RLIM: variants seen among roughly 807,000 people sequenced by gnomAD.
The protein encoded by RLIM is E3 ubiquitin-protein ligase RLIM.
Under a neutral mutation model 34.0 loss-of-function variants are expected in RLIM, and 2 were observed. That is an observed-to-expected ratio of 0.06 (90% CI 0.02 to 0.19). RLIM has a LOEUF of 0.19. Ranked by LOEUF, RLIM falls within the 10% of genes least tolerant of loss-of-function variation. The pLI, the probability that RLIM is intolerant of heterozygous loss-of-function variation, is 1.00. For missense variants in RLIM, 286 were observed against 479.7 expected, an observed-to-expected ratio of 0.60 and a Z score of 3.77; for synonymous variants, 169 against 164.0, an observed-to-expected ratio of 1.03 and a Z score of -0.23.
chrX:74,595,971 T>C lies in RLIM; in HGVS notation c.7A>G (p.Asn3Asp), dbSNP rs750593017. The change falls in exon 2 of 4, where the codon AAC becomes GAC. Residue 3 changes from asparagine (N) to aspartate (D), a missense_variant. By Grantham distance (23) the Asn-to-Asp change is conservative. Transcript: ENST00000332687. The part of the protein sequence containing the change: ME[N>D]SDSNDKGSGD... ...CTTCCTTTGTCATTGGAATCTGAGTTTTCCATATTGATGAACAAGTGGAAA... is the reference window on the plus strand; with the variant it reads ...CTTCCTTTGTCATTGGAATCTGAGTCTTCCATATTGATGAACAAGTGGAAA... The C allele has an allele frequency of 2.5e-6, 3 of 1,178,677 alleles. No individual in the cohort carries two copies. The highest frequency in any genetic ancestry group is 3.4e-6 in the Non-Finnish European group (3 of 879,897).
intron 1 of RLIM, among the ~76,000 whole-genome samples, chrX:74,600,308 C>CA (rs984757659): frequency 1.0e-4 from 11 of 106,991 alleles, no homozygotes; most frequent in East Asian, 5.8e-4. Flanking sequence ...CAAAACAAAA[C>CA]AAAAAAAAAC....
intron 1 of RLIM, 78 bp from the exon 2 acceptor site, chrX:74,596,078 C>A: frequency 3.3e-6 from 2 of 605,377 alleles, no homozygotes; most frequent in South Asian, 5.1e-5. Flanking sequence ...TGTGAAAATC[C>A]AGAATGTAGG....
intron 1 of RLIM, among the ~76,000 whole-genome samples, chrX:74,598,961 G>A (rs1049571301): frequency 9.0e-6 from 1 of 111,294 alleles, no homozygotes; most frequent in African/African-American, 3.3e-5. Context: ...TACTAGCTAT[G>A]AATCCCAATT....
In RLIM at chrX:74,583,411, G is replaced by C; in HGVS notation, c.*8029C>G. 1 of 728,621 alleles carries C rather than the reference G, an allele frequency of 1.4e-6. No homozygotes were observed. The highest frequency in any genetic ancestry group is 2.2e-6 in the Non-Finnish European group (1 of 452,871). The allele number at this position is 728,621 out of a possible 1,213,427, so 60.0% of individuals were successfully genotyped here. A position where few individuals can be genotyped will look rare whatever the true frequency, so the allele number is the denominator to read the frequency against. ...ATAGCAGGCTGTTGCACTGTAACTTGTGGCTGTGCATTAAGATGTTGCTGA... is the reference window on the plus strand; with the variant it reads ...ATAGCAGGCTGTTGCACTGTAACTTCTGGCTGTGCATTAAGATGTTGCTGA... On this transcript the variant is annotated 3_prime_UTR_variant, in exon 4 of 4. Coordinates refer to ENST00000332687, the MANE Select transcript of RLIM (RefSeq NM_016120.4).
At chrX:74,611,703 T>C (rs769600421) in intron 1 of RLIM, among the ~76,000 whole-genome samples, 52 of 112,324 alleles carry the variant, frequency 4.6e-4, no homozygotes, top group Non-Finnish European at 5.8e-4. Context: ...TTCATTGCAT[T>C]TCCTATCTAA....
At chrX:74,613,107 TAGAA>T (rs1380921034) in intron 1 of RLIM, among the ~76,000 whole-genome samples, 55 of 110,059 alleles carry the variant, frequency 5.0e-4, no homozygotes, top group Non-Finnish European at 8.9e-4. Context: ...TTCTACAGTT[TAGAA>T]AAGTCATGGG....
chrX:74,607,154 T>C (rs913147721), intron 1 of RLIM, among the ~76,000 whole-genome samples: 1 of 83,221 alleles, frequency 1.2e-5, no homozygotes, highest in Non-Finnish European at 2.2e-5. Context: ...TAAAAAGTCA[T>C]ATGGAAGAAA....
Position 74,594,380 on chromosome X carries a change from G to C in RLIM, c.179C>G (p.Thr60Ser). The C allele has an allele frequency of 3.3e-6, 4 of 1,199,287 alleles. No individual in the cohort carries two copies. Among genetic ancestry groups the C allele is most frequent in the Non-Finnish European group, 1.1e-6 (1 of 888,465 alleles). Residue 60 changes from threonine to serine, a missense_variant, in exon 3 of 4, where the codon ACT (threonine) becomes AGT (serine). Physicochemically the swap from Thr to Ser is moderately conservative, Grantham distance 58. Around this residue, in one of 6 missense-constraint regions of RLIM, gnomAD observed 62 missense variants for 71.3 expected, o/e 0.87. Transcript: ENST00000332687. Reference protein sequence around the residue: ...NNLLGTPGESTEEELLRRLQQ... With the variant: ...NNLLGTPGESSEEELLRRLQQ... ...TAGTCGTCTCAGCAACTCTTCCTCAGTACTTTCACCTGAAATTTAACACCA... is the reference window on the plus strand; with the variant it reads ...TAGTCGTCTCAGCAACTCTTCCTCACTACTTTCACCTGAAATTTAACACCA...
Position 74,583,298 on chromosome X carries a change from A to C in RLIM, c.*8142T>G. ...TAGGGTGCATGGCTTGAATAAGAGG[A>C]AACAGCCATTCACCCAACATTTGCT... On this transcript the variant is annotated 3_prime_UTR_variant, in exon 4 of 4. Transcript: ENST00000332687. 2 of 1,002,949 alleles carry C rather than the reference A, an allele frequency of 2.0e-6. No individual in the cohort carries two copies. The highest frequency in any genetic ancestry group is 2.8e-6 in the Non-Finnish European group (2 of 703,589). 82.7% of individuals were successfully genotyped at this position (1,002,949 alleles called of 1,213,427 possible).
In RLIM at chrX:74,589,203, T is replaced by A. The variant is rs1357155393; in HGVS notation, c.*2237A>T. 1 of 111,638 alleles carries A rather than the reference T, an allele frequency of 9.0e-6. No individual in the cohort carries two copies. The highest frequency in any genetic ancestry group is 3.2e-5 in the African/African-American group (1 of 30,775). 9.2% of individuals were successfully genotyped at this position (111,638 alleles called of 1,213,427 possible). A position where few individuals can be genotyped will look rare whatever the true frequency, so the allele number is the denominator to read the frequency against. Reference sequence around the variant, plus strand: ...CAATAACTTTCTCTTATGCTTAGAATGTGCTGCAATTGTTTTTAAACTATT... The same window carrying A: ...CAATAACTTTCTCTTATGCTTAGAAAGTGCTGCAATTGTTTTTAAACTATT... On this transcript the variant is annotated 3_prime_UTR_variant, in exon 4 of 4. Coordinates refer to ENST00000332687, the MANE Select transcript of RLIM (RefSeq NM_016120.4).
At chrX:74,607,144 TAA>T (rs1368575552) in intron 1 of RLIM, among the ~76,000 whole-genome samples, 5 of 73,288 alleles carry the variant, frequency 6.8e-5, no homozygotes, top group African/African-American at 2.8e-4. Context: ...TATCAAAATT[TAA>T]AAAGTCATAT....
intron 1 of RLIM, among the ~76,000 whole-genome samples, chrX:74,608,950 T>C (rs1281992516): frequency 2.7e-5 from 3 of 112,083 alleles, no homozygotes; most frequent in Non-Finnish European, 5.6e-5. Context: ...TATCAAGCTA[T>C]GCCACTAAAT....
intron 1 of RLIM, among the ~76,000 whole-genome samples, chrX:74,603,807 T>A (rs1266201816): frequency 1.3e-4 from 14 of 111,151 alleles, no homozygotes. Flanking sequence ...CTCAACATAA[T>A]CAAAAAAAAT....
In RLIM at chrX:74,587,880, CTAATCT is replaced by C. The variant is rs1308813785; in HGVS notation, c.*3554_*3559del. On this transcript the variant is annotated 3_prime_UTR_variant, in exon 4 of 4. Transcript: ENST00000332687. Reference sequence around the variant, plus strand: ...GCAACACTTACAGCCAATCAGTTTCCTAATCTTAAGGTTTGGATGAATTCCAATCGT... The same window carrying C: ...GCAACACTTACAGCCAATCAGTTTCCTAAGGTTTGGATGAATTCCAATCGT... The C allele has an allele frequency of 8.9e-6, 1 of 112,192 alleles. No homozygotes were observed. Among genetic ancestry groups the C allele is most frequent in the African/African-American group, 3.2e-5 (1 of 30,856 alleles). The allele number at this position is 112,192 out of a possible 1,213,427, so 9.2% of individuals were successfully genotyped here.
Position 74,595,870 on chromosome X carries a change from T to C in RLIM, c.108A>G (p.Val36=). The C allele has an allele frequency of 8.3e-7, 1 of 1,206,898 alleles. No individual in the cohort carries two copies. The highest frequency in any genetic ancestry group is 1.1e-6 in the Non-Finnish European group (1 of 891,504). Residue 36 remains valine (V), a synonymous_variant, in exon 2 of 4, where the codon GTA becomes GTG. Coordinates refer to ENST00000332687, the MANE Select transcript of RLIM (RefSeq NM_016120.4). Reference sequence around the variant, plus strand: ...TATAATCTTCTTCACTCAGGTTATTTACAAATTGATAGAAAGCTTCTTCTC... The same window carrying C: ...TATAATCTTCTTCACTCAGGTTATTCACAAATTGATAGAAAGCTTCTTCTC... ...LDREEAFYQF[V]NNLSEEDYRL... is the part of the protein sequence containing the mutation.
intron 1 of RLIM, among the ~76,000 whole-genome samples, chrX:74,611,386 C>G (rs1344234856): frequency 8.9e-6 from 1 of 111,967 alleles, no homozygotes; most frequent in Non-Finnish European, 1.9e-5. Context: ...TGTTCACTAA[C>G]CTCAAAGATA....
chrX:74,607,580 G>A (rs2079687971), intron 1 of RLIM, among the ~76,000 whole-genome samples: 1 of 112,807 alleles, frequency 8.9e-6, no homozygotes, highest in African/African-American at 3.2e-5. Flanking sequence ...ATGATGGCAG[G>A]TGCCTGTAAT....
At chrX:74,601,425 T>G (rs2079660809) in intron 1 of RLIM, among the ~76,000 whole-genome samples, 1 of 112,198 alleles carries the variant, frequency 8.9e-6, no homozygotes, top group African/African-American at 3.2e-5. Flanking sequence ...GGGAAAATTC[T>G]GCAAATACAT....
chrX:74,594,815 C>T (rs1303866002), intron 2 of RLIM, among the ~76,000 whole-genome samples: 2 of 105,053 alleles, frequency 1.9e-5, no homozygotes, highest in African/African-American at 7.0e-5. Context: ...AGGAGAATCG[C>T]TTGAGCCCAG....
Sources: gnomAD v4.1 joint callset for allele counts (sites outside exome capture counted in the v4.1 genomes callset) on GRCh38, gnomAD v4.1.1 for gene constraint, gnomAD v4.1.1 regional missense constraint, MANE v1.5 for transcripts, NCBI Gene and HGNC (gene_info 2026-07-23, HGNC 2026-07-21) for gene names.